COL6A6: variants seen among roughly 807,000 people sequenced by gnomAD.
The protein encoded by COL6A6 is collagen type VI alpha 6 chain, also known as collagen alpha-6(VI) chain.
Under a neutral mutation model 208.6 loss-of-function variants are expected in COL6A6, and 183 were observed. The ratio of observed to expected loss-of-function variants is 0.88; its 90% confidence interval spans 0.78 to 0.99. The LOEUF (loss-of-function observed/expected upper bound fraction) is 0.99, where lower values mean the gene tolerates loss of function less well. Among genes scored for constraint, COL6A6 ranks in the 50% least tolerant of loss-of-function variants. COL6A6 has a pLI of 0.00. For missense variants in COL6A6, 2,816 were observed against 2,815.2 expected, an observed-to-expected ratio of 1.00 and a Z score of -0.01; for synonymous variants, 973 against 1,011.8, an observed-to-expected ratio of 0.96 and a Z score of 0.73.
At position 130,626,649 on chromosome 3, in the gene COL6A6, A is replaced by C. The variant is rs546210495; in HGVS notation, c.4941+102A>C. 6.2e-6 allele frequency: 5 copies of C among 807,510 alleles called. No individual in the cohort carries two copies. In the South Asian group the frequency reaches 7.5e-5, roughly 12 times the overall value. 50.0% of individuals were successfully genotyped at this position (807,510 alleles called of 1,614,324 possible). A position where few individuals can be genotyped will look rare whatever the true frequency, so the allele number is the denominator to read the frequency against. On this transcript the variant is annotated intron_variant, in intron 25 of 36. Coordinates refer to ENST00000358511, the MANE Select transcript of COL6A6 (RefSeq NM_001102608.3). ...AGAGAGTTTTAAGGATACAATCCTCATGAAGTTTTATAGTTTTATAGAAAT... is the reference window on the plus strand; with the variant it reads ...AGAGAGTTTTAAGGATACAATCCTCCTGAAGTTTTATAGTTTTATAGAAAT...
chr3:130,547,241 G>A lies in COL6A6; in HGVS notation c.-31-13093G>A, dbSNP rs376343999. 2.0e-3 allele frequency among the ~76,000 whole-genome samples: 302 copies of A among 152,374 alleles called. 2 individuals carry two copies. The highest frequency in any genetic ancestry group is 0.017 in the South Asian group (83 of 4,830). On this transcript the variant is annotated intron_variant, in intron 1 of 36. Coordinates refer to ENST00000358511, the MANE Select transcript of COL6A6 (RefSeq NM_001102608.3). Reference sequence around the variant, plus strand: ...GCTGAGGCCCAGGGAGAATTCAAGCGTGGCAAGAGTGGGCTGGCACTGCTG... The same window carrying A: ...GCTGAGGCCCAGGGAGAATTCAAGCATGGCAAGAGTGGGCTGGCACTGCTG...
chr3:130,519,557 C>G (rs1710946434), intron 1 of COL6A6, among the ~76,000 whole-genome samples: 1 of 151,936 alleles, frequency 6.6e-6, no homozygotes, highest in Non-Finnish European at 1.5e-5. Flanking sequence ...CTTTCCTGAC[C>G]TTATTGTCGT....
Position 130,586,655 on chromosome 3 carries a change from CA to C in COL6A6, c.4121del (p.Gln1374ArgfsTer80). The C allele has an allele frequency of 2.5e-6, 4 of 1,611,984 alleles. No individual in the cohort carries two copies. The highest frequency in any genetic ancestry group is 3.4e-6 in the Non-Finnish European group (4 of 1,179,164). ...MRELGSRLSK[Q>X]LVNVAERTCC... is the part of the protein sequence containing the mutation. ...AGAACTTGGAAGCCGGCTGTCAAAGCAGCTGGTAAGTTATTCTGAAAAGGCT... is the reference window on the plus strand; with the variant it reads ...AGAACTTGGAAGCCGGCTGTCAAAGCGCTGGTAAGTTATTCTGAAAAGGCT... On this transcript the variant is annotated frameshift_variant, in exon 11 of 37. Coordinates refer to ENST00000358511, the MANE Select transcript of COL6A6 (RefSeq NM_001102608.3). LOFTEE classifies it high-confidence loss of function.
chr3:130,628,514 T>C (rs1245799569), intron 26 of COL6A6, among the ~76,000 whole-genome samples: 1 of 152,210 alleles, frequency 6.6e-6, no homozygotes, highest in Non-Finnish European at 1.5e-5. Context: ...TCTTTCTATT[T>C]TTTGATTTTA....
At chr3:130,607,791 G>A (rs1372150033) in intron 21 of COL6A6, among the ~76,000 whole-genome samples, 1 of 152,144 alleles carries the variant, frequency 6.6e-6, no homozygotes, top group African/African-American at 2.4e-5. Context: ...TGTAGACAAA[G>A]AGACCTTACC....
In COL6A6 at chr3:130,593,114, T is replaced by C; in HGVS notation, c.4416+9T>C. The C allele has an allele frequency of 1.9e-6, 3 of 1,613,402 alleles. No homozygotes were observed. The highest frequency in any genetic ancestry group is 2.5e-6 in the Non-Finnish European group (3 of 1,179,364). ...GATTAAACGGAGAACAGGTAGAGCC[T>C]TCTTGTACCATAGAGACCCTTCTGA... On this transcript the variant is annotated intron_variant, in intron 16 of 36. Coordinates refer to ENST00000358511, the MANE Select transcript of COL6A6 (RefSeq NM_001102608.3).
intron 33 of COL6A6, among the ~76,000 whole-genome samples, chr3:130,653,280 C>T (rs375825828): frequency 1.1e-4 from 16 of 152,014 alleles, no homozygotes; most frequent in Admixed American, 5.2e-4. Context: ...TGCTGTGTGG[C>T]GTCGCAGCTA....
intron 1 of COL6A6, among the ~76,000 whole-genome samples, chr3:130,524,848 G>A (rs932626859): frequency 1.3e-5 from 2 of 152,164 alleles, no homozygotes; most frequent in Non-Finnish European, 2.9e-5. Flanking sequence ...GGAGATGTGC[G>A]CTGTGGATGC....
intron 16 of COL6A6, 42 bp downstream of exon 16, chr3:130,593,147 A>G (rs1340221013): frequency 1.9e-6 from 3 of 1,611,668 alleles, no homozygotes; most frequent in East Asian, 2.2e-5. Context: ...TGAGCTATTT[A>G]CCATTATGAA....
Position 130,574,413 on chromosome 3 carries a change from C to T in COL6A6, c.3435C>T (p.Leu1145=), listed in dbSNP as rs756277883. Residue 1145 remains leucine, a synonymous_variant, in exon 8 of 37, where the codon CTC becomes CTT. Transcript: ENST00000358511. ...VGIGDVDDQQ[L]IQITGTAEKK... ...TTGGGGATGTGGATGACCAGCAGCTCATTCAGATCACCGGGACTGCAGAGA... is the reference window on the plus strand; with the variant it reads ...TTGGGGATGTGGATGACCAGCAGCTTATTCAGATCACCGGGACTGCAGAGA... 2 of 1,614,002 alleles carry T rather than the reference C, an allele frequency of 1.2e-6. No individual in the cohort carries two copies. Among genetic ancestry groups the T allele is most frequent in the South Asian group, 2.2e-5 (2 of 91,078 alleles).
At chr3:130,553,203 T>A (rs933571755) in intron 1 of COL6A6, among the ~76,000 whole-genome samples, 1 of 152,202 alleles carries the variant, frequency 6.6e-6, no homozygotes, top group Non-Finnish European at 1.5e-5. Context: ...TCTAGCCAGG[T>A]TGGGGAAACT....
In COL6A6 at chr3:130,658,684, C is replaced by T; in HGVS notation, c.5742C>T (p.Asp1914=). ...PSVRRAFAID[D]TGTFQVIVVP... ...GCTTCTGCTTCTTTTAGATTGACGA[C>T]ACTGGCACATTTCAAGTAATAGTGG... Residue 1914 remains aspartate, a synonymous_variant, in exon 34 of 37, where the codon GAC becomes GAT. Transcript: ENST00000358511. The T allele has an allele frequency of 6.2e-7, 1 of 1,611,806 alleles. No individual in the cohort carries two copies. Among genetic ancestry groups the T allele is most frequent in the Non-Finnish European group, 8.5e-7 (1 of 1,178,610 alleles).
intron 12 of COL6A6, among the ~76,000 whole-genome samples, chr3:130,589,485 A>G (rs2063623388): frequency 6.6e-6 from 1 of 152,202 alleles, no homozygotes; most frequent in South Asian, 2.1e-4. Flanking sequence ...CTCATGTTGG[A>G]TAATGAAAGC....
chr3:130,627,856 G>T (rs1309329526), intron 26 of COL6A6, among the ~76,000 whole-genome samples: 1 of 152,188 alleles, frequency 6.6e-6, no homozygotes, highest in East Asian at 1.9e-4. Context: ...GGAACTGAGG[G>T]ATAAGTTTAC....
At chr3:130,673,212 A>AC (rs1448850663) in intron 36 of COL6A6, among the ~76,000 whole-genome samples, 9 of 123,304 alleles carry the variant, frequency 7.3e-5, no homozygotes, top group African/African-American at 4.1e-4. Flanking sequence ...AAAAAACAAA[A>AC]AAAACAAAAA....
chr3:130,651,454 A>T (rs980558718), intron 33 of COL6A6, among the ~76,000 whole-genome samples: 2 of 149,660 alleles, frequency 1.3e-5, no homozygotes, highest in African/African-American at 4.9e-5. Flanking sequence ...AAAAAGAATG[A>T]TAGCTTTTGC....
chr3:130,586,684 T>A, intron 11 of COL6A6, 24 bp downstream of exon 11: 1 of 1,592,566 alleles, frequency 6.3e-7, no homozygotes, highest in Non-Finnish European at 8.5e-7. Flanking sequence ...AAAAGGCTGG[T>A]GAGCTTAAAT....
chr3:130,614,353 T>G (rs2064447876), intron 23 of COL6A6, among the ~76,000 whole-genome samples: 1 of 152,232 alleles, frequency 6.6e-6, no homozygotes, highest in African/African-American at 2.4e-5. Context: ...ATCCCAGAGA[T>G]AAGGCCTACT....
chr3:130,590,201 C>T (rs1433989783), intron 12 of COL6A6, among the ~76,000 whole-genome samples: 3 of 137,510 alleles, frequency 2.2e-5, no homozygotes, highest in Non-Finnish European at 3.1e-5. Flanking sequence ...TTATGATTGA[C>T]ACCCCCTTGA....
Sources: allele counts gnomAD v4.1 joint callset (sites outside exome capture counted in the v4.1 genomes callset), GRCh38; gene constraint gnomAD v4.1.1; transcripts MANE v1.5; gene names NCBI Gene and HGNC (gene_info 2026-07-23, HGNC 2026-07-21).